Variants in DAO observed in about 807,000 individuals in gnomAD.
DAO encodes the protein D-amino-acid oxidase.
DAO carries 51 observed loss-of-function variants against 50.1 expected under a neutral mutation model. The ratio of observed to expected loss-of-function variants is 1.02; its 90% CI spans 0.81 to 1.29. DAO has a LOEUF of 1.29. Ranked by LOEUF, DAO falls within the 50% of genes most tolerant of loss-of-function variation. The probability of loss-of-function intolerance (pLI) is 0.00; values close to 1 mark genes in which losing one functional copy is unlikely to be tolerated. For synonymous variants in DAO, 160 were observed against 166.2 expected, an observed-to-expected ratio of 0.96 and a Z score of 0.29; for missense variants, 436 against 439.4, an observed-to-expected ratio of 0.99 and a Z score of 0.07.
intron 8 of DAO, 130 bp downstream of exon 8, chr12:108,897,218 TTTA>T (rs2039569613): frequency 1.4e-6 from 1 of 698,184 alleles, no homozygotes; most frequent in Non-Finnish European, 2.6e-6. Flanking sequence ...TTAGCTATTT[TTTA>T]TTATTATTTT....
chr12:108,885,074 A>G lies in DAO; in HGVS notation c.68A>G (p.Tyr23Cys). Residue 23 changes from tyrosine to cysteine, a missense_variant, in exon 2 of 11, where the codon TAC becomes TGC. Tyr to Cys is a radical substitution (Grantham distance 194, BLOSUM62 -2). Coordinates refer to ENST00000228476, the MANE Select transcript of DAO (RefSeq NM_001917.5). Reference sequence around the variant, plus strand: ...ACCGCCCTCTGCATCCATGAGCGCTACCACTCAGTCCTGCAGCCACTGGAC... The same window carrying G: ...ACCGCCCTCTGCATCCATGAGCGCTGCCACTCAGTCCTGCAGCCACTGGAC... ...LSTALCIHER[Y>C]HSVLQPLDIK... is the part of the protein sequence containing the mutation. 1 of 1,614,136 alleles carries G rather than the reference A, an allele frequency of 6.2e-7. No individual in the cohort carries two copies.
intron 3 of DAO, 108 bp downstream of exon 3, chr12:108,887,672 C>T (rs1359924648): frequency 1.1e-5 from 9 of 807,008 alleles, no homozygotes; most frequent in South Asian, 2.7e-5. Context: ...CTTTGAGTCT[C>T]GTAGGCAACA....
intron 1 of DAO, among the ~76,000 whole-genome samples, chr12:108,881,176 A>G (rs1056077189): frequency 2.0e-5 from 3 of 151,334 alleles, no homozygotes; most frequent in Admixed American, 2.0e-4. Context: ...ACACACACAC[A>G]CACACACACA....
chr12:108,892,487 G>A (rs918689464), intron 5 of DAO, among the ~76,000 whole-genome samples: 4 of 152,034 alleles, frequency 2.6e-5, no homozygotes, highest in Non-Finnish European at 4.4e-5. Context: ...ATTTCTAATC[G>A]TGATAGATGT....
chr12:108,897,898 G>A (rs1419004269), intron 8 of DAO, among the ~76,000 whole-genome samples: 2 of 151,182 alleles, frequency 1.3e-5, no homozygotes, highest in African/African-American at 4.9e-5. Flanking sequence ...AGTGAGCCAT[G>A]TTCACACCAC....
intron 1 of DAO, among the ~76,000 whole-genome samples, chr12:108,881,969 T>C (rs951566646): frequency 6.6e-6 from 1 of 152,026 alleles, no homozygotes; most frequent in Non-Finnish European, 1.5e-5. Context: ...TTTATTTTAT[T>C]TTATTTTATC....
At chr12:108,897,669 G>A (rs1469398273) in intron 8 of DAO, among the ~76,000 whole-genome samples, 3 of 151,592 alleles carry the variant, frequency 2.0e-5, no homozygotes. Context: ...ACTAAAAGTG[G>A]TATGTAGGTG....
intron 7 of DAO, among the ~76,000 whole-genome samples, chr12:108,895,443 C>T (rs7962665): frequency 0.46 from 55,847 of 121,922 alleles, 11,337 homozygotes; most frequent in Admixed American, 0.58. Flanking sequence ...ATATGTGTGA[C>T]GGTGTGTGTG....
At chr12:108,883,297 C>T (rs1265418092) in intron 1 of DAO, among the ~76,000 whole-genome samples, 2 of 152,198 alleles carry the variant, frequency 1.3e-5, no homozygotes, top group Non-Finnish European at 2.9e-5. Context: ...CAGGCGCCTG[C>T]CACCGCGCCT....
At chr12:108,892,138 T>C (rs963657988) in intron 5 of DAO, among the ~76,000 whole-genome samples, 2 of 151,418 alleles carry the variant, frequency 1.3e-5, no homozygotes, top group African/African-American at 4.8e-5. Flanking sequence ...TGGATGTTTC[T>C]AGTGTATTTC....
intron 8 of DAO, 95 bp downstream of exon 8, chr12:108,897,183 GT>G: frequency 1.2e-6 from 1 of 851,388 alleles, no homozygotes; most frequent in Non-Finnish European, 2.0e-6. Context: ...CCCTGCAGTT[GT>G]TCCCTTTCAA....
chr12:108,893,203 C>G (rs1456344466), intron 6 of DAO, among the ~76,000 whole-genome samples, 167 bp downstream of exon 6: 1 of 152,124 alleles, frequency 6.6e-6, no homozygotes, highest in African/African-American at 2.4e-5. Flanking sequence ...GAAGTCTCTG[C>G]CTTCATGTTG....
In DAO at chr12:108,894,264, T is replaced by C; in HGVS notation, c.509T>C (p.Val170Ala). 1 of 1,613,402 alleles carries C rather than the reference T, an allele frequency of 6.2e-7. No homozygotes were observed. The highest frequency in any genetic ancestry group is 8.5e-7 in the Non-Finnish European group (1 of 1,179,680). ...FQRKVESFEE[V>A]AREGADVIVN... is the part of the protein sequence containing the mutation. Reference sequence around the variant, plus strand: ...CACTACCCTGTTGGTTGCTACCAGGTGGCAAGAGAAGGCGCAGACGTGATT... The same window carrying C: ...CACTACCCTGTTGGTTGCTACCAGGCGGCAAGAGAAGGCGCAGACGTGATT... Residue 170 changes from valine (V) to alanine (A), a missense_variant and splice_region_variant, in exon 7 of 11, where the codon GTG becomes GCG. Val to Ala is a moderately conservative substitution (Grantham distance 64). Transcript: ENST00000228476.
chr12:108,885,038 T>C lies in DAO; in HGVS notation c.32T>C (p.Ile11Thr). The C allele has an allele frequency of 6.2e-7, 1 of 1,614,106 alleles. No homozygotes were observed. Among genetic ancestry groups the C allele is most frequent in the Non-Finnish European group, 8.5e-7 (1 of 1,180,016 alleles). The change falls in exon 2 of 11, where the codon ATC becomes ACC. Residue 11 changes from isoleucine (I) to threonine (T), a missense_variant. Physicochemically the swap from Ile to Thr is moderately conservative, Grantham distance 89 (BLOSUM62 -1). Coordinates refer to ENST00000228476, the MANE Select transcript of DAO (RefSeq NM_001917.5). MRVVVIGAGVIGLSTALCIHE... is the reference protein window; with the variant it reads MRVVVIGAGVTGLSTALCIHE... Reference sequence around the variant, plus strand: ...GTGGTGGTGATTGGAGCAGGAGTCATCGGGCTGTCCACCGCCCTCTGCATC... The same window carrying C: ...GTGGTGGTGATTGGAGCAGGAGTCACCGGGCTGTCCACCGCCCTCTGCATC...
At chr12:108,881,956 CATTTT>C (rs995771755) in intron 1 of DAO, among the ~76,000 whole-genome samples, 2 of 151,900 alleles carry the variant, frequency 1.3e-5, no homozygotes, top group African/African-American at 2.4e-5. Flanking sequence ...TTCCTACAGG[CATTTT>C]ATTTTATTTT....
At chr12:108,885,566 C>T (rs1168511318) in intron 2 of DAO, among the ~76,000 whole-genome samples, 2 of 151,836 alleles carry the variant, frequency 1.3e-5, no homozygotes, top group East Asian at 3.9e-4. Flanking sequence ...GCTGAGATTC[C>T]GCCACTGCAC....
intron 5 of DAO, among the ~76,000 whole-genome samples, chr12:108,892,739 C>A (rs567897178): frequency 3.5e-4 from 53 of 152,280 alleles, no homozygotes; most frequent in African/African-American, 1.3e-3. Flanking sequence ...CAAGGCCCTT[C>A]CCCCACTCCA....
rs2039522709 is a variant in DAO at position 108,894,269 on chromosome 12, A to G, written c.514A>G (p.Arg172Gly). 4.3e-6 allele frequency: 7 copies of G among 1,613,530 alleles called. No homozygotes were observed. The highest frequency in any genetic ancestry group is 2.2e-5 in the South Asian group (2 of 91,008). ...RKVESFEEVA[R>G]EGADVIVNCT... ...CCCTGTTGGTTGCTACCAGGTGGCA[A>G]GAGAAGGCGCAGACGTGATTGTCAA... is the stretch of plus-strand genomic sequence containing the variant. Residue 172 changes from arginine (R) to glycine (G), a missense_variant, in exon 7 of 11, where the codon AGA becomes GGA. Transcript: ENST00000228476.
chr12:108,897,330 C>T (rs2039570523), intron 8 of DAO, among the ~76,000 whole-genome samples: 1 of 152,204 alleles, frequency 6.6e-6, no homozygotes, highest in African/African-American at 2.4e-5. Flanking sequence ...AATTATCCTG[C>T]CTCAGCCTCC....
Sources: allele counts gnomAD v4.1 joint callset (sites outside exome capture counted in the v4.1 genomes callset), GRCh38; gene constraint gnomAD v4.1.1; transcripts MANE v1.5; gene names NCBI Gene and HGNC (gene_info 2026-07-23, HGNC 2026-07-21).